Variants in LMBRD2 observed in about 807,000 individuals in gnomAD.
The protein encoded by LMBRD2 is G protein-coupled receptor-associated protein LMBRD2.
Under a neutral mutation model 94.4 loss-of-function variants are expected in LMBRD2, and 55 were observed. That is an observed-to-expected ratio of 0.58 (90% CI 0.47 to 0.73). The LOEUF is 0.73. Ranked by LOEUF, LMBRD2 falls within the 30% of genes least tolerant of loss-of-function variation. LMBRD2 has a pLI of 0.00. For missense variants in LMBRD2, 640 were observed against 831.9 expected, an observed-to-expected ratio of 0.77 and a Z score of 2.84; for synonymous variants, 246 against 272.4, an observed-to-expected ratio of 0.90 and a Z score of 0.95.
At chr5:36,116,401 T>TC in intron 11 of LMBRD2, 59 bp downstream of exon 11, 1 of 1,483,446 alleles carries the variant, frequency 6.7e-7, no homozygotes, top group Non-Finnish European at 9.3e-7. Context: ...AAATAAAAGA[T>TC]CCATAAGAAT....
intron 9 of LMBRD2, among the ~76,000 whole-genome samples, chr5:36,119,624 T>C (rs1743838986): frequency 6.6e-6 from 1 of 152,210 alleles, no homozygotes; most frequent in South Asian, 2.1e-4. Flanking sequence ...CCTTGTTGAC[T>C]GGCCTCACTT....
chr5:36,133,810 G>T (rs1237404460), intron 6 of LMBRD2, among the ~76,000 whole-genome samples: 1 of 151,992 alleles, frequency 6.6e-6, no homozygotes, highest in African/African-American at 2.4e-5. Context: ...CTAAGCAAAG[G>T]GCTCCTATTT....
intron 1 of LMBRD2, among the ~76,000 whole-genome samples, chr5:36,149,995 A>G (rs940267685): frequency 6.6e-6 from 1 of 152,252 alleles, no homozygotes; most frequent in Admixed American, 6.5e-5. Context: ...AGCAACCTCT[A>G]TGTACCTACT....
chr5:36,108,664 T>C (rs1743531565), intron 15 of LMBRD2, 25 bp from the exon 16 acceptor site: 3 of 1,142,374 alleles, frequency 2.6e-6, no homozygotes, highest in South Asian at 1.6e-5. Context: ...CAAATAATCA[T>C]ATAATAGAAC....
At chr5:36,127,702 G>C (rs1744038535) in intron 6 of LMBRD2, among the ~76,000 whole-genome samples, 1 of 152,196 alleles carries the variant, frequency 6.6e-6, no homozygotes, top group Non-Finnish European at 1.5e-5. Context: ...GGGGAGGAAA[G>C]TGTGAGAAGG....
chr5:36,122,334 G>T lies in LMBRD2; in HGVS notation c.1066C>A (p.Gln356Lys). Reference protein sequence around the residue: ...SATHQFVHTFQSPEPENRFIQ... With the variant: ...SATHQFVHTFKSPEPENRFIQ... ...AATCGATTTTCTGGCTCTGGCGATT[G>T]AAAGGTGTGAACAAACTGATGAGTA... Residue 356 changes from glutamine to lysine, a missense_variant, in exon 9 of 18, where the codon CAA (glutamine) becomes AAA (lysine). Gln to Lys is a moderately conservative substitution (Grantham distance 53). Transcript: ENST00000296603. 6.2e-7 allele frequency: 1 copy of T among 1,608,432 alleles called. No individual in the cohort carries two copies. The highest frequency in any genetic ancestry group is 8.5e-7 in the Non-Finnish European group (1 of 1,178,520).
At position 36,137,340 on chromosome 5, in the gene LMBRD2, G is replaced by T; in HGVS notation, c.470C>A (p.Thr157Asn). The change falls in exon 5 of 18, where the codon ACC (threonine) becomes AAC (asparagine). Residue 157 changes from threonine (T) to asparagine (N), a missense_variant. Transcript: ENST00000296603. ...ALIENAIYYG[T>N]YLLIFGAFLI... Reference sequence around the variant, plus strand: ...AAATGCTCCAAAAATCAGCAAATAGGTGCCATAGTAGATTGCATTCTCAAT... The same window carrying T: ...AAATGCTCCAAAAATCAGCAAATAGTTGCCATAGTAGATTGCATTCTCAAT... The T allele has an allele frequency of 6.2e-7, 1 of 1,603,028 alleles. No individual in the cohort carries two copies. Among genetic ancestry groups the T allele is most frequent in the Non-Finnish European group, 8.5e-7 (1 of 1,172,458 alleles).
In LMBRD2 at chr5:36,104,099, G is replaced by A; in HGVS notation, c.2035C>T (p.Pro679Ser). 1 of 1,609,106 alleles carries A rather than the reference G, an allele frequency of 6.2e-7. No homozygotes were observed. Among genetic ancestry groups the A allele is most frequent in the Non-Finnish European group, 8.5e-7 (1 of 1,176,380 alleles). The change falls in exon 18 of 18, where the codon CCT (proline) becomes TCT (serine). Residue 679 changes from proline to serine, a missense_variant. Transcript: ENST00000296603. ...PLESESGRYQ[P>S]GGRYLSMSRS... is the part of the protein sequence containing the mutation. ...GACATCGAGAGATATCGTCCACCAG[G>A]CTGATACCTAAAAAGGGAACATAAA... is the stretch of plus-strand genomic sequence containing the variant.
At chr5:36,134,731 G>A (rs950366689) in intron 6 of LMBRD2, among the ~76,000 whole-genome samples, 4 of 152,052 alleles carry the variant, frequency 2.6e-5, no homozygotes, top group Admixed American at 1.3e-4. Flanking sequence ...AATCTTGAAC[G>A]TTAGTCCCCA....
intron 16 of LMBRD2, 80 bp downstream of exon 16, chr5:36,108,454 T>C: frequency 3.4e-6 from 2 of 593,920 alleles, no homozygotes; most frequent in Admixed American, 5.9e-5. Flanking sequence ...TTTCTGGATG[T>C]GTGTATTCTA....
chr5:36,141,106 C>T lies in LMBRD2; in HGVS notation c.368+1G>A. On this transcript the variant is annotated splice_donor_variant, in intron 4 of 17. Coordinates refer to ENST00000296603, the MANE Select transcript of LMBRD2 (RefSeq NM_001007527.2). LOFTEE classifies it high-confidence loss of function. Reference sequence around the variant, plus strand: ...AAATTTTATCATTTACTGTAACTTACCATGTTAAAAATTGTGACGTCCAAT... The same window carrying T: ...AAATTTTATCATTTACTGTAACTTATCATGTTAAAAATTGTGACGTCCAAT... 1.3e-6 allele frequency: 2 copies of T among 1,546,196 alleles called. No homozygotes were observed. Among genetic ancestry groups the T allele is most frequent in the Non-Finnish European group, 1.8e-6 (2 of 1,126,740 alleles).
At chr5:36,116,405 T>G in intron 11 of LMBRD2, 55 bp downstream of exon 11, 1 of 1,520,522 alleles carries the variant, frequency 6.6e-7, no homozygotes, top group Non-Finnish European at 9.0e-7. Context: ...AAAAGATCCA[T>G]AAGAATACAC....
At chr5:36,139,880 T>G (rs1183879195) in intron 4 of LMBRD2, among the ~76,000 whole-genome samples, 1 of 152,204 alleles carries the variant, frequency 6.6e-6, no homozygotes, top group Non-Finnish European at 1.5e-5. Context: ...CACCCTCCAG[T>G]TGTCTGCATA....
chr5:36,114,871 A>G, intron 12 of LMBRD2, 144 bp downstream of exon 12: 2 of 630,758 alleles, frequency 3.2e-6, no homozygotes, highest in Non-Finnish European at 5.4e-6. Context: ...TATCTAGTCA[A>G]TAGTAATACG....
chr5:36,140,910 A>T, intron 4 of LMBRD2, 197 bp downstream of exon 4: 1 of 406,594 alleles, frequency 2.5e-6, no homozygotes, highest in Non-Finnish European at 4.4e-6. Flanking sequence ...TTTAGAGTGC[A>T]GTTGTTTGCA....
rs75591202 is a variant in LMBRD2 at position 36,109,630 on chromosome 5, C to A, written c.1791+315G>T. Among the ~76,000 whole-genome samples the A allele has an allele frequency of 8.5e-3, 1,285 of 151,958 alleles. 23 individuals carry two copies. The highest frequency in any genetic ancestry group is 0.03 in the African/African-American group (1,249 of 41,482). The stretch of plus-strand genomic sequence containing the variant: ...GAAACAATTTTAAAGCAATCAAAAC[C>A]ACTTTAATAGCAAGAATACACAAAT... On this transcript the variant is annotated intron_variant, in intron 15 of 17. Coordinates refer to ENST00000296603, the MANE Select transcript of LMBRD2 (RefSeq NM_001007527.2).
intron 6 of LMBRD2, among the ~76,000 whole-genome samples, chr5:36,129,155 G>A (rs1744076767): frequency 6.6e-6 from 1 of 152,192 alleles, no homozygotes; most frequent in African/African-American, 2.4e-5. Flanking sequence ...TGGCCTTAAA[G>A]AGGAGGTAGA....
In LMBRD2 at chr5:36,137,349, T is replaced by C; in HGVS notation, c.461A>G (p.Tyr154Cys). ...AAAAATCAGCAAATAGGTGCCATAG[T>C]AGATTGCATTCTCAATTAGTGCAGT... ...IKTALIENAI[Y>C]YGTYLLIFGA... is the part of the protein sequence containing the mutation. Residue 154 changes from tyrosine (Y) to cysteine (C), a missense_variant, in exon 5 of 18, where the codon TAC becomes TGC. Physicochemically the swap from Tyr to Cys is radical, Grantham distance 194. Around this residue, in one of 2 missense-constraint regions of LMBRD2, gnomAD observed 457 missense variants for 642.8 expected, o/e 0.71. Transcript: ENST00000296603. 6.2e-7 allele frequency: 1 copy of C among 1,606,400 alleles called. No homozygotes were observed. Among genetic ancestry groups the C allele is most frequent in the Non-Finnish European group, 8.5e-7 (1 of 1,174,474 alleles).
At chr5:36,115,224 A>G in intron 11 of LMBRD2, 104 bp from the exon 12 acceptor site, 3 of 634,212 alleles carry the variant, frequency 4.7e-6, no homozygotes, top group Non-Finnish European at 7.9e-6. Context: ...TTATAGCTAA[A>G]ATTTTCATCT....
Sources: allele counts gnomAD v4.1 joint callset (sites outside exome capture counted in the v4.1 genomes callset), GRCh38; gene constraint gnomAD v4.1.1; regional missense constraint gnomAD v4.1.1; transcripts MANE v1.5; gene names NCBI Gene and HGNC (gene_info 2026-07-23, HGNC 2026-07-21).